TRHDE: variants seen among roughly 807,000 people sequenced by gnomAD.
The protein encoded by TRHDE is thyrotropin-releasing hormone-degrading ectoenzyme.
Under a neutral mutation model 125.7 loss-of-function variants are expected in TRHDE, and 72 were observed. The ratio of observed to expected loss-of-function variants is 0.57; its 90% confidence interval spans 0.47 to 0.70. The LOEUF (loss-of-function observed/expected upper bound fraction) is 0.70. Among genes scored for constraint, TRHDE ranks in the 30% least tolerant of loss-of-function variants. The pLI, the probability that TRHDE is intolerant of heterozygous loss-of-function variation, is 0.00. For missense variants in TRHDE, 1,110 were observed against 1,327.1 expected (o/e 0.84, Z 2.54); for synonymous variants, 509 against 509.1 (o/e 1.00, Z 0.00).
chr12:72,644,060 T>A (rs1874178613), intron 15 of TRHDE, among the ~76,000 whole-genome samples: 1 of 152,174 alleles, frequency 6.6e-6, no homozygotes, highest in Admixed American at 6.5e-5. Context: ...AAGCACTAGA[T>A]TCTTCTTCCT....
chr12:72,587,450 G>A (rs993279598), intron 12 of TRHDE, among the ~76,000 whole-genome samples: 3 of 152,142 alleles, frequency 2.0e-5, no homozygotes, highest in South Asian at 2.1e-4. Flanking sequence ...TGGTAGTTAC[G>A]TAGATAGATT....
chr12:72,592,539 A>C (rs1443162839), intron 12 of TRHDE, among the ~76,000 whole-genome samples: 2 of 151,688 alleles, frequency 1.3e-5, no homozygotes, highest in Non-Finnish European at 2.9e-5. Flanking sequence ...GGTAGTTTGC[A>C]CATTAAGTTG....
intron 2 of TRHDE, among the ~76,000 whole-genome samples, chr12:72,108,836 G>A (rs1202387814): frequency 3.3e-5 from 5 of 151,998 alleles, no homozygotes; most frequent in Non-Finnish European, 5.9e-5. Flanking sequence ...ACACACGAAT[G>A]GTCTTAGACT....
chr12:72,096,877 C>A (rs1274686579), intron 1 of TRHDE, among the ~76,000 whole-genome samples: 2 of 152,158 alleles, frequency 1.3e-5, no homozygotes, highest in African/African-American at 4.8e-5. Flanking sequence ...GGCTAGGTTG[C>A]CATTAGCATT....
chr12:72,541,813 T>C (rs2135987044), intron 6 of TRHDE, among the ~76,000 whole-genome samples: 1 of 151,584 alleles, frequency 6.6e-6, no homozygotes, highest in Non-Finnish European at 1.5e-5. Context: ...ACAGTCTGAC[T>C]TCTTGGTACT....
At chr12:72,649,636 A>G (rs1382924294) in intron 15 of TRHDE, among the ~76,000 whole-genome samples, 3 of 152,158 alleles carry the variant, frequency 2.0e-5, no homozygotes, top group African/African-American at 2.4e-5. Flanking sequence ...TGCAAACCAT[A>G]TATCTGAATA....
At chr12:72,469,159 G>A (rs1222958288) in intron 3 of TRHDE, among the ~76,000 whole-genome samples, 1 of 152,174 alleles carries the variant, frequency 6.6e-6, no homozygotes, top group Non-Finnish European at 1.5e-5. Context: ...TAGCCAGTTG[G>A]TGACAGAGCC....
intron 3 of TRHDE, among the ~76,000 whole-genome samples, chr12:72,406,734 C>T (rs938264400): frequency 1.3e-5 from 2 of 152,110 alleles, no homozygotes; most frequent in Non-Finnish European, 2.9e-5. Flanking sequence ...TACAATTTAG[C>T]ACATCATGTA....
intron 2 of TRHDE, among the ~76,000 whole-genome samples, chr12:72,112,134 C>T (rs1875330250): frequency 2.0e-5 from 3 of 152,130 alleles, no homozygotes; most frequent in Non-Finnish European, 4.4e-5. Flanking sequence ...CACGGAGTAT[C>T]TGGGAGCCAG....
At position 72,357,462 on chromosome 12, in the gene TRHDE, T is replaced by A. The variant is rs1592566353; in HGVS notation, c.1189-20533T>A. Among the ~76,000 whole-genome samples the A allele has an allele frequency of 2.0e-5, 3 of 151,736 alleles. No homozygotes were observed. In the South Asian group the frequency reaches 6.2e-4, roughly 31 times the overall value. ...CACATGTAAGTGATATTAAGCAATA[T>A]TGTTCTTTCTGTGTCTGGCTTATTT... On this transcript the variant is annotated intron_variant, in intron 2 of 18. Transcript: ENST00000261180.
At chr12:72,179,542 T>A (rs1217031980) in intron 2 of TRHDE, among the ~76,000 whole-genome samples, 1 of 152,026 alleles carries the variant, frequency 6.6e-6, no homozygotes, top group African/African-American at 2.4e-5. Flanking sequence ...CATCCCTACT[T>A]CCCCATTTTT....
chr12:72,197,113 C>G (rs1877460626), intron 2 of TRHDE, among the ~76,000 whole-genome samples: 2 of 152,088 alleles, frequency 1.3e-5, no homozygotes, highest in Non-Finnish European at 2.9e-5. Context: ...ATTCTTTACT[C>G]CTTGAAACAC....
intron 15 of TRHDE, among the ~76,000 whole-genome samples, chr12:72,639,787 A>G (rs572450712): frequency 3.7e-4 from 56 of 151,860 alleles, no homozygotes; most frequent in Middle Eastern, 6.8e-3. Context: ...TGCCCCTGCT[A>G]GGGGGTGCCT....
intron 2 of TRHDE, among the ~76,000 whole-genome samples, chr12:72,346,367 AG>A (rs772240592): frequency 1.6e-4 from 24 of 152,060 alleles, no homozygotes; most frequent in Non-Finnish European, 3.1e-4. Context: ...CCCTCACAAA[AG>A]CATCCAGCCA....
Position 72,665,418 on chromosome 12 carries a change from CAT to C in TRHDE, c.*2227_*2228del, listed in dbSNP as rs1875078951. ...TAATTATGTGCAATGTTCAATACCT[CAT>C]ATAATACTTGCTCAACAGTATAGTG... On this transcript the variant is annotated 3_prime_UTR_variant, in exon 19 of 19. Transcript: ENST00000261180. 1 of 152,394 alleles carries C rather than the reference CAT, an allele frequency of 6.6e-6. No homozygotes were observed. Among genetic ancestry groups the C allele is most frequent in the East Asian group, 1.9e-4 (1 of 5,170 alleles). 9.4% of individuals were successfully genotyped at this position (152,394 alleles called of 1,614,324 possible). A position where few individuals can be genotyped will look rare whatever the true frequency, so the allele number is the denominator to read the frequency against.
intron 5 of TRHDE, among the ~76,000 whole-genome samples, chr12:72,491,922 T>C (rs993907117): frequency 9.2e-5 from 14 of 152,038 alleles, no homozygotes; most frequent in Admixed American, 1.3e-4. Flanking sequence ...ATAAGAGATA[T>C]GCCTGGAGTC....
intron 17 of TRHDE, among the ~76,000 whole-genome samples, chr12:72,653,691 T>C (rs1874597667): frequency 6.6e-6 from 1 of 152,114 alleles, no homozygotes; most frequent in Non-Finnish European, 1.5e-5. Flanking sequence ...TGGTGAGAAT[T>C]CTTTAGCCTC....
chr12:72,511,182 A>G (rs1234284062), intron 6 of TRHDE, among the ~76,000 whole-genome samples: 1 of 152,180 alleles, frequency 6.6e-6, no homozygotes, highest in Non-Finnish European at 1.5e-5. Context: ...TTAATAAATT[A>G]AATTGGAGAA....
intron 12 of TRHDE, among the ~76,000 whole-genome samples, chr12:72,614,516 T>C (rs1872747080): frequency 1.3e-5 from 2 of 152,008 alleles, no homozygotes; most frequent in East Asian, 1.9e-4. Flanking sequence ...TAAAACCTAA[T>C]AAACTTTTTA....
Sources: gnomAD v4.1 joint callset for allele counts (sites outside exome capture counted in the v4.1 genomes callset) on GRCh38, gnomAD v4.1.1 for gene constraint, MANE v1.5 for transcripts, NCBI Gene and HGNC (gene_info 2026-07-23, HGNC 2026-07-21) for gene names.